Variants in CAMTA1 observed in about 807,000 individuals in gnomAD.
The protein encoded by CAMTA1 is calmodulin-binding transcription activator 1.
A neutral mutation model predicts 170.9 loss-of-function variants in CAMTA1; 27 were observed. That is an observed-to-expected ratio of 0.16 (90% CI 0.12 to 0.22). The LOEUF is 0.22. CAMTA1 is among the 10% of genes least tolerant of loss of function. The probability of loss-of-function intolerance (pLI) is 1.00; values close to 1 mark genes in which losing one functional copy is unlikely to be tolerated. For missense variants in CAMTA1, 1,619 were observed against 2,217.2 expected (o/e 0.73, Z 5.42); for synonymous variants, 833 against 891.5 (o/e 0.93, Z 1.17).
chr1:7,548,094 A>G (rs1369413900), intron 6 of CAMTA1, among the ~76,000 whole-genome samples: 2 of 152,320 alleles, frequency 1.3e-5, no homozygotes, highest in East Asian at 3.9e-4. Flanking sequence ...TCGTTTTGAG[A>G]GAGAAATAAG....
intron 11 of CAMTA1, among the ~76,000 whole-genome samples, chr1:7,699,935 T>C (rs1032947446): frequency 6.6e-6 from 1 of 152,252 alleles, no homozygotes; most frequent in Admixed American, 6.5e-5. Context: ...AAGTCCCTTA[T>C]GAAATATGAG....
chr1:7,549,184 G>T (rs1056438794), intron 6 of CAMTA1, among the ~76,000 whole-genome samples: 1 of 150,292 alleles, frequency 6.7e-6, no homozygotes, highest in Non-Finnish European at 1.5e-5. Flanking sequence ...ACCCCTTATG[G>T]GTGGAGGTGC....
chr1:7,624,435 C>A (rs1456655845), intron 6 of CAMTA1, among the ~76,000 whole-genome samples: 2 of 152,188 alleles, frequency 1.3e-5, no homozygotes, highest in Non-Finnish European at 2.9e-5. Flanking sequence ...ACTGCTCCCA[C>A]AGGTGGAAAC....
At chr1:7,268,480 T>G (rs1669240968) in intron 5 of CAMTA1, among the ~76,000 whole-genome samples, 1 of 152,132 alleles carries the variant, frequency 6.6e-6, no homozygotes, top group African/African-American at 2.4e-5. Flanking sequence ...CACCCAGAAC[T>G]GGCAGATGTT....
chr1:6,995,796 G>C lies in CAMTA1; in HGVS notation c.235-95508G>C, dbSNP rs191465349. ...AGTGGTCAGAGGTGGAGGGAGCAAG[G>C]AGAAGTATGGATCAGAGCCTTTGCT... On this transcript the variant is annotated intron_variant, in intron 3 of 22. Coordinates refer to ENST00000303635, the MANE Select transcript of CAMTA1 (RefSeq NM_015215.4). 3.9e-5 allele frequency among the ~76,000 whole-genome samples: 6 copies of C among 152,274 alleles called. No homozygotes were observed. The East Asian group carries it at 1.2e-3, about 30-fold the overall frequency.
chr1:7,525,316 C>G (rs2094418633), intron 6 of CAMTA1, among the ~76,000 whole-genome samples: 1 of 151,866 alleles, frequency 6.6e-6, no homozygotes, highest in Admixed American at 6.6e-5. Context: ...GAGCCTCTGG[C>G]CCACAGCAGG....
intron 5 of CAMTA1, among the ~76,000 whole-genome samples, chr1:7,447,223 G>A (rs2092701896): frequency 6.6e-6 from 1 of 151,988 alleles, no homozygotes; most frequent in South Asian, 2.1e-4. Context: ...AACACGTGGT[G>A]CGCGTGGATG....
chr1:7,493,432 C>CACACAA (rs56785760), intron 6 of CAMTA1, among the ~76,000 whole-genome samples: 89,553 of 138,896 alleles, frequency 0.64, 30,008 homozygotes, highest in East Asian at 0.81. Context: ...CACACATGCA[C>CACACAA]ACACAAACAT....
intron 4 of CAMTA1, among the ~76,000 whole-genome samples, chr1:7,194,053 G>A (rs1031705849): frequency 1.3e-5 from 2 of 152,306 alleles, no homozygotes; most frequent in African/African-American, 4.8e-5. Context: ...ATACGTAAAC[G>A]TAGGGATGTG....
intron 12 of CAMTA1, among the ~76,000 whole-genome samples, chr1:7,733,667 G>T (rs953462299): frequency 8.9e-6 from 1 of 112,120 alleles, no homozygotes; most frequent in Non-Finnish European, 2.0e-5. Flanking sequence ...CTACTCAGTC[G>T]TTGCAAAAAA....
chr1:7,184,598 T>C (rs1652882130), intron 4 of CAMTA1, among the ~76,000 whole-genome samples: 1 of 151,904 alleles, frequency 6.6e-6, no homozygotes, highest in Non-Finnish European at 1.5e-5. Flanking sequence ...ATAGGAAAGG[T>C]GAGTTAGAAT....
At chr1:6,829,892 A>G (rs1338547399) in intron 3 of CAMTA1, among the ~76,000 whole-genome samples, 1 of 152,172 alleles carries the variant, frequency 6.6e-6, no homozygotes, top group Non-Finnish European at 1.5e-5. Context: ...AAAATGTTGT[A>G]ACAAAGTTAA....
chr1:7,745,872 T>A lies in CAMTA1; in HGVS notation c.4398T>A (p.Pro1466=), dbSNP rs1485880993. The A allele has an allele frequency of 6.2e-7, 1 of 1,614,230 alleles. No homozygotes were observed. The highest frequency in any genetic ancestry group is 2.2e-5 in the East Asian group (1 of 44,890). ...GTGCATATAACGAGCCTCTAACCCC[T>A]TCTTCTAATACCAGCTTGAGCCCTG... ...IRSAYNEPLT[P]SSNTSLSPVG... Residue 1466 remains proline (P), a synonymous_variant, in exon 18 of 23, where the codon CCT becomes CCA. Coordinates refer to ENST00000303635, the MANE Select transcript of CAMTA1 (RefSeq NM_015215.4).
chr1:7,218,885 CT>C (rs1262527460), intron 4 of CAMTA1, among the ~76,000 whole-genome samples: 5 of 151,972 alleles, frequency 3.3e-5, no homozygotes, highest in Non-Finnish European at 7.4e-5. Context: ...TTTTGTTCTT[CT>C]TGTTGATCTG....
intron 3 of CAMTA1, among the ~76,000 whole-genome samples, chr1:6,912,979 G>A (rs1002158299): frequency 4.6e-5 from 7 of 152,232 alleles, no homozygotes; most frequent in Admixed American, 4.6e-4. Context: ...TGGAGTTATT[G>A]CCTTGCCAGC....
At chr1:6,998,130 C>T (rs774246914) in intron 3 of CAMTA1, among the ~76,000 whole-genome samples, 25 of 150,840 alleles carry the variant, frequency 1.7e-4, no homozygotes, top group African/African-American at 5.1e-4. Flanking sequence ...CAGGCTGGAG[C>T]GCAGTGGCAC....
chr1:7,592,673 G>A lies in CAMTA1; in HGVS notation c.511-47727G>A, dbSNP rs1006682451. On this transcript the variant is annotated intron_variant, in intron 6 of 22. Coordinates refer to ENST00000303635, the MANE Select transcript of CAMTA1 (RefSeq NM_015215.4). This position sits in a 1 kb window ranked among gnomAD's most constrained non-coding sequence, Gnocchi z 4.6. ...ATGAGTTGCCTCTGGGAGGCTTTGG[G>A]TCAGGTCGGAAGCTTGTCTGTGCCC... Among the ~76,000 whole-genome samples the A allele has an allele frequency of 3.3e-5, 5 of 152,102 alleles. No individual in the cohort carries two copies. Among genetic ancestry groups the A allele is most frequent in the African/African-American group, 1.2e-4 (5 of 41,422 alleles).
chr1:7,189,097 C>A (rs994105390), intron 4 of CAMTA1, among the ~76,000 whole-genome samples: 7 of 152,168 alleles, frequency 4.6e-5, no homozygotes, highest in Non-Finnish European at 8.8e-5. Flanking sequence ...TATCCTGAAT[C>A]CCATCCTCTC....
intron 4 of CAMTA1, among the ~76,000 whole-genome samples, chr1:7,174,830 C>T (rs1175323642): frequency 6.6e-6 from 1 of 152,086 alleles, no homozygotes; most frequent in Non-Finnish European, 1.5e-5. Context: ...GCAGAGGTGC[C>T]CTGTCTGTCC....
Sources: gnomAD v4.1 joint callset for allele counts (sites outside exome capture counted in the v4.1 genomes callset) on GRCh38, gnomAD v4.1.1 for gene constraint, Gnocchi (gnomAD v3.1) non-coding constraint, MANE v1.5 for transcripts, NCBI Gene and HGNC (gene_info 2026-07-23, HGNC 2026-07-21) for gene names.